L3MBTL4: variants seen among roughly 807,000 people sequenced by gnomAD.
L3MBTL4 encodes L3MBTL histone methyl-lysine binding protein 4.
A neutral mutation model predicts 84.5 loss-of-function variants in L3MBTL4; 70 were observed. That is an observed-to-expected ratio of 0.83 (90% confidence interval 0.68 to 1.01). L3MBTL4 has a LOEUF of 1.01. Ranked by LOEUF, L3MBTL4 falls within the 50% of genes least tolerant of loss-of-function variation. The probability of loss-of-function intolerance (pLI) is 0.00; values close to 1 mark genes in which losing one functional copy is unlikely to be tolerated. For synonymous variants in L3MBTL4, 274 were observed against 259.8 expected, an observed-to-expected ratio of 1.05 and a Z score of -0.52; for missense variants, 715 against 754.8, an observed-to-expected ratio of 0.95 and a Z score of 0.62.
intron 12 of L3MBTL4, 100 bp from the exon 13 acceptor site, chr18:6,172,042 AT>A: frequency 1.7e-6 from 1 of 576,082 alleles, no homozygotes; most frequent in South Asian, 2.4e-5. Context: ...TGAGATTGAA[AT>A]TTTATTGATC....
At position 6,223,536 on chromosome 18, in the gene L3MBTL4, AC is replaced by A. The variant is rs34548841; in HGVS notation, c.785-7702del. 8.7e-3 allele frequency among the ~76,000 whole-genome samples: 1,330 copies of A among 152,344 alleles called. 11 individuals are homozygous for A. The highest frequency in any genetic ancestry group is 0.014 in the Non-Finnish European group (938 of 68,028). ...TACAGCACAAACAATGACAAAAAAA[AC>A]ATGGGCTTATGAACACATGGATATG... is the stretch of plus-strand genomic sequence containing the variant. On this transcript the variant is annotated intron_variant, in intron 10 of 18. Coordinates refer to ENST00000317931, the MANE Select transcript of L3MBTL4 (RefSeq NM_001330559.2).
chr18:6,138,663 T>C (rs1043208352), intron 13 of L3MBTL4, among the ~76,000 whole-genome samples: 5 of 152,172 alleles, frequency 3.3e-5, no homozygotes, highest in Non-Finnish European at 5.9e-5. Flanking sequence ...GCAATTCTCC[T>C]GCCTCAGCCT....
chr18:6,061,953 A>G (rs1427289309), intron 16 of L3MBTL4, among the ~76,000 whole-genome samples: 1 of 151,902 alleles, frequency 6.6e-6, no homozygotes, highest in Non-Finnish European at 1.5e-5. Flanking sequence ...TCACCTCTCC[A>G]TAAGCTATAC....
chr18:5,999,961 A>G (rs1018038680), intron 16 of L3MBTL4, among the ~76,000 whole-genome samples: 2 of 152,022 alleles, frequency 1.3e-5, no homozygotes, highest in African/African-American at 4.8e-5. Flanking sequence ...TGCAGGAAGC[A>G]CTCTGTCTCA....
intron 4 of L3MBTL4, among the ~76,000 whole-genome samples, chr18:6,298,988 A>G (rs1226224137): frequency 6.6e-6 from 1 of 152,220 alleles, no homozygotes; most frequent in Non-Finnish European, 1.5e-5. Context: ...GAGAGAAGCC[A>G]GTTCACTTGT....
chr18:6,060,006 A>G (rs498639), intron 16 of L3MBTL4, among the ~76,000 whole-genome samples: 22,807 of 152,232 alleles, frequency 0.15, 2,967 homozygotes, highest in African/African-American at 0.35. Context: ...TAAAGAAAGT[A>G]GTAGAGTGCT....
intron 13 of L3MBTL4, among the ~76,000 whole-genome samples, chr18:6,162,363 T>C (rs1598958937): frequency 6.6e-6 from 1 of 152,022 alleles, no homozygotes; most frequent in Admixed American, 6.6e-5. Context: ...AATTGTTGAG[T>C]CACATAAATA....
At chr18:6,192,006 CAA>C (rs567661362) in intron 12 of L3MBTL4, among the ~76,000 whole-genome samples, 1 of 115,090 alleles carries the variant, frequency 8.7e-6, no homozygotes, top group Admixed American at 8.6e-5. Flanking sequence ...TCCCCCCCCT[CAA>C]AAAAAAAAAG....
chr18:6,030,789 C>A, intron 16 of L3MBTL4: 1 of 984,780 alleles, frequency 1.0e-6, no homozygotes, highest in Non-Finnish European at 1.2e-6. Context: ...AGTTTCATTG[C>A]ATTAAAAACG....
intron 13 of L3MBTL4, among the ~76,000 whole-genome samples, chr18:6,151,812 C>A (rs964129136): frequency 6.6e-6 from 1 of 152,188 alleles, no homozygotes; most frequent in Admixed American, 6.5e-5. Flanking sequence ...CATCACCACC[C>A]ATGCTGTACA....
chr18:6,030,901 C>T, intron 16 of L3MBTL4: 3 of 985,070 alleles, frequency 3.0e-6, no homozygotes, highest in Non-Finnish European at 3.6e-6. Context: ...CAAATTACAC[C>T]CAGAGGTTTT....
At chr18:6,143,831 T>C (rs1330853279) in intron 13 of L3MBTL4, among the ~76,000 whole-genome samples, 1 of 151,552 alleles carries the variant, frequency 6.6e-6, no homozygotes, top group Non-Finnish European at 1.5e-5. Context: ...CCAGCACCTA[T>C]TATCTGCCAG....
chr18:6,000,881 A>T (rs1449589097), intron 16 of L3MBTL4, among the ~76,000 whole-genome samples: 1 of 152,226 alleles, frequency 6.6e-6, no homozygotes, highest in Non-Finnish European at 1.5e-5. Flanking sequence ...AGTGCCAGGA[A>T]TCTGTCTCTC....
chr18:5,969,339 TA>T, intron 17 of L3MBTL4, 53 bp downstream of exon 17: 17 of 1,599,442 alleles, frequency 1.1e-5, no homozygotes, highest in Non-Finnish European at 1.5e-5. Flanking sequence ...ACCTTCCGCC[TA>T]TTTCTCAGCA....
chr18:6,007,133 G>A lies in L3MBTL4; in HGVS notation c.1445-37571C>T, dbSNP rs143158652. On this transcript the variant is annotated intron_variant, in intron 16 of 18. Transcript: ENST00000317931. Reference sequence around the variant, plus strand: ...AACCAACTAAATAAACAAACATAACGCTCACAAAAAAGTAAAGTCAAAAGC... The same window carrying A: ...AACCAACTAAATAAACAAACATAACACTCACAAAAAAGTAAAGTCAAAAGC... 3.0e-3 allele frequency among the ~76,000 whole-genome samples: 460 copies of A among 151,746 alleles called. 1 individual carries two copies. The highest frequency in any genetic ancestry group is 6.3e-3 in the South Asian group (30 of 4,796).
chr18:6,266,378 C>A (rs946252160), intron 4 of L3MBTL4, among the ~76,000 whole-genome samples: 1 of 152,198 alleles, frequency 6.6e-6, no homozygotes, highest in East Asian at 1.9e-4. Context: ...GCTATACACA[C>A]ACACATCCTT....
intron 12 of L3MBTL4, among the ~76,000 whole-genome samples, chr18:6,186,649 T>C (rs1568280059): frequency 1.3e-5 from 2 of 151,956 alleles, no homozygotes; most frequent in Non-Finnish European, 2.9e-5. Flanking sequence ...CTGGTGGAGG[T>C]GGAGGGCAGT....
chr18:5,974,334 T>G (rs373439506), intron 16 of L3MBTL4, among the ~76,000 whole-genome samples: 4 of 152,202 alleles, frequency 2.6e-5, no homozygotes, highest in African/African-American at 9.6e-5. Flanking sequence ...ACCACAGCAC[T>G]GGAAGACTTG....
chr18:6,076,068 T>G (rs1029674792), intron 16 of L3MBTL4, among the ~76,000 whole-genome samples: 8 of 152,212 alleles, frequency 5.3e-5, no homozygotes, highest in South Asian at 2.1e-4. Flanking sequence ...AACCACTTTG[T>G]AAAAATATTT....
Sources: allele counts gnomAD v4.1 joint callset (sites outside exome capture counted in the v4.1 genomes callset), GRCh38; gene constraint gnomAD v4.1.1; transcripts MANE v1.5; gene names NCBI Gene and HGNC (gene_info 2026-07-23, HGNC 2026-07-21).